The following DYNC1H1 variants were observed in gnomAD, a reference collection of about 807,000 sequenced individuals.
DYNC1H1 encodes cytoplasmic dynein 1 heavy chain 1.
Under a neutral mutation model 527.1 loss-of-function variants are expected in DYNC1H1, and 51 were observed. That is an observed-to-expected ratio of 0.10 (90% CI 0.08 to 0.12). The LOEUF is 0.12. Ranked by LOEUF, DYNC1H1 falls within the 10% of genes least tolerant of loss-of-function variation. DYNC1H1 has a pLI of 1.00. For missense variants in DYNC1H1, 2,771 were observed against 5,971.8 expected, an observed-to-expected ratio of 0.46 and a Z score of 17.66; for synonymous variants, 2,189 against 2,278.8, an observed-to-expected ratio of 0.96 and a Z score of 1.12.
chr14:102,056,125 AGGCCTGGGCCTGCCT>A lies in DYNC1H1; in HGVS notation c.*5568_*5582del, dbSNP rs2048874727. 6.6e-6 allele frequency: 1 copy of A among 152,234 alleles called. No homozygotes were observed. The allele number at this position is 152,234 out of a possible 1,614,324, so 9.4% of individuals were successfully genotyped here. On this transcript the variant is annotated 3_prime_UTR_variant, in exon 78 of 78. Transcript: ENST00000360184. ...GCAGCCCGGCGCCAGGCCCAAAACCAGGCCTGGGCCTGCCTGGCCTAAACCTAGTCGTTAAAAATC... is the reference window on the plus strand; with the variant it reads ...GCAGCCCGGCGCCAGGCCCAAAACCAGGCCTAAACCTAGTCGTTAAAAATC...
At chr14:102,008,488 C>A in intron 29 of DYNC1H1, 151 bp downstream of exon 29, 1 of 1,187,164 alleles carries the variant, frequency 8.4e-7, no homozygotes, top group Non-Finnish European at 1.2e-6. Flanking sequence ...TGGTTAAAGA[C>A]GGAAGGTAAG....
rs774027651 is a variant in DYNC1H1, at chr14:102,010,116, G to A, written c.6221+30G>A. On this transcript the variant is annotated intron_variant, in intron 30 of 77. Transcript: ENST00000360184. This position sits in a 1 kb window ranked among gnomAD's most constrained non-coding sequence, Gnocchi z 6.0. ...GTAGCCTAGAATTCTTCATAATCATGTTTCTTGCATATGTTAAATGTGTCC... is the reference window on the plus strand; with the variant it reads ...GTAGCCTAGAATTCTTCATAATCATATTTCTTGCATATGTTAAATGTGTCC... 6 of 1,613,114 alleles carry A rather than the reference G, an allele frequency of 3.7e-6. No homozygotes were observed. Among genetic ancestry groups the A allele is most frequent in the Non-Finnish European group, 3.4e-6 (4 of 1,180,026 alleles).
At position 101,986,703 on chromosome 14, in the gene DYNC1H1, C is replaced by T; in HGVS notation, c.2478C>T (p.Ser826=). The T allele has an allele frequency of 6.2e-7, 1 of 1,614,146 alleles. No homozygotes were observed. The highest frequency in any genetic ancestry group is 8.5e-7 in the Non-Finnish European group (1 of 1,180,010). The change falls in exon 8 of 78, where the codon TCC becomes TCT. Residue 826 remains serine (S), a synonymous_variant. Transcript: ENST00000360184. The surrounding 1 kb of genome is among the most constrained non-coding windows in gnomAD (Gnocchi z 8.7). ...AAGGCATTGCGTTGGTGTGGGAGTC[C>T]TACAAACTTGACCCATATGTACAGC... is the stretch of plus-strand genomic sequence containing the variant. ...IAEGIALVWE[S]YKLDPYVQRL... is the part of the protein sequence containing the mutation.
chr14:101,984,401 ATGTGTG>A lies in DYNC1H1; in HGVS notation c.1461+818_1461+823del, dbSNP rs34162363. On this transcript the variant is annotated intron_variant, in intron 7 of 77. Transcript: ENST00000360184. Reference sequence around the variant, plus strand: ...TGTGTGTATATATATATGCGTATATATGTGTGTGTGTGTGTGTGTGTGTGTGTGTGT... The same window carrying A: ...TGTGTGTATATATATATGCGTATATATGTGTGTGTGTGTGTGTGTGTGTGT... 2.5e-3 allele frequency among the ~76,000 whole-genome samples: 253 copies of A among 102,430 alleles called. 1 individual carries two copies. Among genetic ancestry groups the A allele is most frequent in the Middle Eastern group, 0.014 (2 of 146 alleles). 67.2% of individuals were successfully genotyped at this position (102,430 alleles called of 152,430 possible).
At position 101,979,997 on chromosome 14, in the gene DYNC1H1, T is replaced by G. The variant is rs776548634; in HGVS notation, c.774+23T>G. On this transcript the variant is annotated intron_variant, in intron 4 of 77. Transcript: ENST00000360184. The surrounding 1 kb of genome is among the most constrained non-coding windows in gnomAD (Gnocchi z 4.6). ...AAAGTAAGAGCACAGGATTGAAAGT[T>G]ATGTAAAATATGTTACTCTTTAATA... 9 of 1,613,970 alleles carry G rather than the reference T, an allele frequency of 5.6e-6. No individual in the cohort carries two copies. The highest frequency in any genetic ancestry group is 1.3e-5 in the African/African-American group (1 of 74,940).
chr14:102,045,026 G>GA, intron 72 of DYNC1H1: 1 of 379,666 alleles, frequency 2.6e-6, no homozygotes, highest in Non-Finnish European at 5.1e-6. Flanking sequence ...TTACTGGCTG[G>GA]GCACACTGGC....
At chr14:101,967,136 T>C (rs2047678071) in intron 1 of DYNC1H1, among the ~76,000 whole-genome samples, 2 of 152,236 alleles carry the variant, frequency 1.3e-5, no homozygotes, top group African/African-American at 4.8e-5. Context: ...ATGGTCTGTT[T>C]GTCTTATTAG....
chr14:102,031,377 G>A (rs17512670), intron 51 of DYNC1H1, among the ~76,000 whole-genome samples: 1,570 of 152,164 alleles, frequency 0.01, 25 homozygotes, highest in African/African-American at 0.036. Flanking sequence ...TGGAACTATA[G>A]GTGCGCGCCG....
In DYNC1H1 at chr14:102,015,047, A is replaced by G; in HGVS notation, c.7015-58A>G. ...GTGTATATATAGGTAAAAGAATCTT[A>G]ATGTCCAGGTTTCTTCCAAACCTAT... On this transcript the variant is annotated intron_variant, in intron 34 of 77. Coordinates refer to ENST00000360184, the MANE Select transcript of DYNC1H1 (RefSeq NM_001376.5). The surrounding 1 kb of genome is among the most constrained non-coding windows in gnomAD (Gnocchi z 6.9). 1 of 1,590,686 alleles carries G rather than the reference A, an allele frequency of 6.3e-7. No homozygotes were observed. The highest frequency in any genetic ancestry group is 8.6e-7 in the Non-Finnish European group (1 of 1,159,202).
chr14:102,006,301 C>T, intron 27 of DYNC1H1, 131 bp downstream of exon 27: 1 of 1,346,258 alleles, frequency 7.4e-7, no homozygotes, highest in Non-Finnish European at 1.0e-6. Flanking sequence ...GTGGTGCGAT[C>T]TTGGCTCACT....
chr14:101,979,106 G>A lies in DYNC1H1; in HGVS notation c.345-213G>A, dbSNP rs186881944. The stretch of plus-strand genomic sequence containing the variant: ...GGCCAATATTACGAATTCAACCCAT[G>A]TATGAGACAAGTTAACTTTGCCTGG... On this transcript the variant is annotated intron_variant, in intron 2 of 77. Coordinates refer to ENST00000360184, the MANE Select transcript of DYNC1H1 (RefSeq NM_001376.5). The surrounding 1 kb of genome is among the most constrained non-coding windows in gnomAD (Gnocchi z 4.6). Among the ~76,000 whole-genome samples, 110 of 152,316 alleles carry A rather than the reference G, an allele frequency of 7.2e-4. No homozygotes were observed. Among genetic ancestry groups the A allele is most frequent in the African/African-American group, 2.5e-3 (103 of 41,576 alleles).
chr14:102,018,580 C>T lies in DYNC1H1; in HGVS notation c.8307C>T (p.Leu2769=), dbSNP rs1256192772. ...CCCTGCGGACGTATGCAGAGCCGCTCACTGCTGCCATGGTGGAGTTCTACA... is the reference window on the plus strand; with the variant it reads ...CCCTGCGGACGTATGCAGAGCCGCTTACTGCTGCCATGGTGGAGTTCTACA... ...IPSLRTYAEP[L]TAAMVEFYTM... is the part of the protein sequence containing the mutation. The change falls in exon 41 of 78, where the codon CTC becomes CTT. Residue 2769 remains leucine (L), a synonymous_variant. Transcript: ENST00000360184. The surrounding 1 kb of genome is among the most constrained non-coding windows in gnomAD (Gnocchi z 5.2). 5.6e-6 allele frequency: 9 copies of T among 1,612,918 alleles called. No individual in the cohort carries two copies. Among genetic ancestry groups the T allele is most frequent in the Non-Finnish European group, 2.5e-6 (3 of 1,179,730 alleles).
At chr14:102,021,225 A>G (rs939804663) in intron 42 of DYNC1H1, among the ~76,000 whole-genome samples, 1 of 152,064 alleles carries the variant, frequency 6.6e-6, no homozygotes, top group Non-Finnish European at 1.5e-5. Flanking sequence ...AAAAAATAAA[A>G]AATTAGCCAG....
rs1412609748 is a variant in DYNC1H1, at chr14:102,044,542, G to C, written c.12902+51G>C. The C allele has an allele frequency of 6.2e-7, 1 of 1,613,948 alleles. No individual in the cohort carries two copies. The highest frequency in any genetic ancestry group is 8.5e-7 in the Non-Finnish European group (1 of 1,179,836). On this transcript the variant is annotated intron_variant, in intron 71 of 77. Transcript: ENST00000360184. The surrounding 1 kb of genome is among the most constrained non-coding windows in gnomAD (Gnocchi z 7.1). ...GACAGTTGTGATGTCAGGGCGTCTG[G>C]TGTCACTCAGAGGTGACCCCTGACA...
rs1369927772 is a variant in DYNC1H1 at position 102,041,582 on chromosome 14, G to C, written c.11950G>C (p.Gly3984Arg). 2.5e-6 allele frequency: 4 copies of C among 1,613,838 alleles called. No individual in the cohort carries two copies. The Admixed American group carries it at 5.0e-5, about 20-fold the overall frequency. ...CTCTGTACCTGTTTCAGCACCCATT[G>C]GCCAGGCCATCCACCGCCTGCTCCT... ...WSEETPATPI[G>R]QAIHRLLLIQ... is the part of the protein sequence containing the mutation. The change falls in exon 65 of 78, where the codon GGC becomes CGC. Residue 3984 changes from glycine to arginine, a missense_variant. By Grantham distance (125) the Gly-to-Arg change is moderately radical. Around this residue, in one of 32 missense-constraint regions of DYNC1H1, gnomAD observed 120 missense variants for 161.9 expected, o/e 0.74. Transcript: ENST00000360184. The surrounding 1 kb of genome is among the most constrained non-coding windows in gnomAD (Gnocchi z 4.5).
Position 101,965,489 on chromosome 14 carries a change from G to A in DYNC1H1, c.256+542G>A, listed in dbSNP as rs1021034842. 6.6e-6 allele frequency among the ~76,000 whole-genome samples: 1 copy of A among 152,220 alleles called. No individual in the cohort carries two copies. The highest frequency in any genetic ancestry group is 2.4e-5 in the African/African-American group (1 of 41,470). The stretch of plus-strand genomic sequence containing the variant: ...TCTGGTTCGGGAGGAGGTCGGGCGG[G>A]TGTCCCAGCCCTGCCTTGTGGGGAC... On this transcript the variant is annotated intron_variant, in intron 1 of 77. Coordinates refer to ENST00000360184, the MANE Select transcript of DYNC1H1 (RefSeq NM_001376.5). This position sits in a 1 kb window ranked among gnomAD's most constrained non-coding sequence, Gnocchi z 4.1.
intron 5 of DYNC1H1, 141 bp from the exon 6 acceptor site, chr14:101,982,876 CGT>C: frequency 1.0e-6 from 1 of 991,854 alleles, no homozygotes; most frequent in East Asian, 2.5e-5. Flanking sequence ...CTGTTAATAA[CGT>C]GTTGTTTTTT....
rs767708633 is a variant in DYNC1H1, at chr14:101,988,869, CATTCT to C, written c.2868+21_2868+25del. ...AAGATCAAAGTGAGTGCTTCTGTGG[CATTCT>C]ATTTACTAATAAGTGAAATAACAAA... On this transcript the variant is annotated intron_variant, in intron 10 of 77. Coordinates refer to ENST00000360184, the MANE Select transcript of DYNC1H1 (RefSeq NM_001376.5). The C allele has an allele frequency of 6.2e-7, 1 of 1,614,044 alleles. No individual in the cohort carries two copies. The highest frequency in any genetic ancestry group is 8.5e-7 in the Non-Finnish European group (1 of 1,179,970).
At chr14:102,013,912 G>C (rs540064009) in intron 34 of DYNC1H1, among the ~76,000 whole-genome samples, 1 of 152,256 alleles carries the variant, frequency 6.6e-6, no homozygotes, top group South Asian at 2.1e-4. Context: ...ACTAGATGTG[G>C]GTGTGAGGGA....
Sources: allele counts gnomAD v4.1 joint callset (sites outside exome capture counted in the v4.1 genomes callset), GRCh38; gene constraint gnomAD v4.1.1; regional missense constraint gnomAD v4.1.1; non-coding constraint Gnocchi (gnomAD v3.1); transcripts MANE v1.5; gene names NCBI Gene and HGNC (gene_info 2026-07-23, HGNC 2026-07-21).